Variants in CDC27 observed in about 807,000 individuals in gnomAD.
CDC27 encodes the protein cell division cycle protein 27 homolog.
CDC27 carries 27 observed loss-of-function variants against 109.7 expected under a neutral mutation model. That is an observed-to-expected ratio of 0.25 (90% CI 0.18 to 0.34). The LOEUF (loss-of-function observed/expected upper bound fraction) is 0.34. CDC27 is among the 10% of genes least tolerant of loss of function. The probability of loss-of-function intolerance (pLI) is 1.00; values close to 1 mark genes in which losing one functional copy is unlikely to be tolerated. For synonymous variants in CDC27, 266 were observed against 333.9 expected, an observed-to-expected ratio of 0.80 and a Z score of 2.22; for missense variants, 579 against 960.2, an observed-to-expected ratio of 0.60 and a Z score of 5.25.
intron 1 of CDC27, among the ~76,000 whole-genome samples, chr17:47,186,342 T>C (rs1298712033): frequency 6.6e-6 from 1 of 152,214 alleles, no homozygotes; most frequent in African/African-American, 2.4e-5. Context: ...TCCTTCACCA[T>C]CTAATGATCT....
chr17:47,159,567 A>G, intron 4 of CDC27: 1 of 481,684 alleles, frequency 2.1e-6, no homozygotes, highest in Admixed American at 3.7e-5. Context: ...TTCCCCCAGT[A>G]GCCTCTGCGC....
intron 9 of CDC27, among the ~76,000 whole-genome samples, chr17:47,148,802 A>G (rs1050493028): frequency 7.2e-5 from 11 of 152,176 alleles, no homozygotes; most frequent in Non-Finnish European, 1.6e-4. Flanking sequence ...ATTCTTGGCC[A>G]GGCGTAGTGG....
intron 12 of CDC27, among the ~76,000 whole-genome samples, chr17:47,140,958 CATT>C (rs1243693353): frequency 6.6e-6 from 1 of 152,174 alleles, no homozygotes; most frequent in Non-Finnish European, 1.5e-5. Context: ...CACCATACTT[CATT>C]GTCTCCCAGT....
intron 2 of CDC27, among the ~76,000 whole-genome samples, chr17:47,176,849 T>G (rs2064032940): frequency 6.6e-6 from 1 of 152,212 alleles, no homozygotes; most frequent in Non-Finnish European, 1.5e-5. Flanking sequence ...AATGATACAT[T>G]ATTCCACATC....
intron 2 of CDC27, among the ~76,000 whole-genome samples, chr17:47,179,253 C>T (rs1598601112): frequency 6.6e-6 from 1 of 152,150 alleles, no homozygotes. Flanking sequence ...ATGTCTTTCT[C>T]CAAATATAGA....
intron 1 of CDC27, among the ~76,000 whole-genome samples, chr17:47,183,763 C>T (rs1392820675): frequency 6.6e-6 from 1 of 152,162 alleles, no homozygotes; most frequent in East Asian, 1.9e-4. Flanking sequence ...TTATTATACT[C>T]CCAGTATCCA....
At chr17:47,128,291 G>A (rs749272220) in intron 16 of CDC27, among the ~76,000 whole-genome samples, 5 of 152,044 alleles carry the variant, frequency 3.3e-5, no homozygotes, top group South Asian at 4.2e-4. Flanking sequence ...TTGGCCTCCC[G>A]AAGAGCTGGG....
At chr17:47,124,921 C>T (rs2062088085) in intron 16 of CDC27, among the ~76,000 whole-genome samples, 1 of 151,950 alleles carries the variant, frequency 6.6e-6, no homozygotes, top group Non-Finnish European at 1.5e-5. Context: ...TTAAAGACAT[C>T]TTTTTTTCTT....
intron 2 of CDC27, among the ~76,000 whole-genome samples, chr17:47,173,692 C>T (rs1267322650): frequency 7.8e-6 from 1 of 128,790 alleles, no homozygotes; most frequent in African/African-American, 2.6e-5. Flanking sequence ...TGTACATGTG[C>T]GTGTGTAATT....
intron 17 of CDC27, among the ~76,000 whole-genome samples, chr17:47,122,820 CCCA>C (rs1381916265): frequency 6.6e-6 from 1 of 152,038 alleles, no homozygotes; most frequent in African/African-American, 2.4e-5. Flanking sequence ...ACTACAGGTG[CCCA>C]CCACCACCCC....
At chr17:47,159,948 C>A in intron 4 of CDC27, 1 of 348,922 alleles carries the variant, frequency 2.9e-6, no homozygotes, top group South Asian at 2.3e-5. Context: ...CGGTCCCGGC[C>A]CCATCCACGG....
At chr17:47,176,515 G>A (rs1260555790) in intron 2 of CDC27, among the ~76,000 whole-genome samples, 1 of 152,186 alleles carries the variant, frequency 6.6e-6, no homozygotes, top group Non-Finnish European at 1.5e-5. Context: ...AAGAGGGCTG[G>A]AAGAAGTTTT....
chr17:47,130,773 A>C (rs1348135084), intron 15 of CDC27, among the ~76,000 whole-genome samples: 2 of 151,856 alleles, frequency 1.3e-5, no homozygotes, highest in South Asian at 2.1e-4. Context: ...GCTACTCAGG[A>C]GGCTGAGGCA....
intron 5 of CDC27, 113 bp from the exon 6 acceptor site, chr17:47,157,497 A>G (rs2063353140): frequency 1.4e-6 from 1 of 704,400 alleles, no homozygotes; most frequent in Admixed American, 3.1e-5. Context: ...AACTTTAAAA[A>G]TCTCCTGTCC....
chr17:47,159,938 C>T lies in CDC27; in HGVS notation c.378-1635G>A, dbSNP rs977743067. On this transcript the variant is annotated intron_variant, in intron 4 of 18. Coordinates refer to ENST00000066544, the MANE Select transcript of CDC27 (RefSeq NM_001256.6). ...CTTGCCTCCACGAGCTCCGTGGCCT[C>T]GGTCCCGGCCCCATCCACGGCTGCG... 1.5e-4 allele frequency: 53 copies of T among 364,044 alleles called. No homozygotes were observed. In the East Asian group the frequency reaches 1.7e-3, roughly 12 times the overall value. The allele number at this position is 364,044 out of a possible 1,614,324, so 22.6% of individuals were successfully genotyped here. A position where few individuals can be genotyped will look rare whatever the true frequency, so the allele number is the denominator to read the frequency against.
intron 11 of CDC27, 21 bp downstream of exon 11, chr17:47,142,208 T>C (rs1357980469): frequency 2.1e-6 from 3 of 1,400,358 alleles, no homozygotes; most frequent in Non-Finnish European, 3.0e-6. Context: ...ACAAAGATAA[T>C]ATTAAGCATT....
At position 47,157,152 on chromosome 17, in the gene CDC27, T is replaced by C. The variant is rs2063336086; in HGVS notation, c.631-28A>G. ...GAAACAGAAAATTTCTACCAAGTCATTCACAATATATTATTTAGTTCAGAT... is the reference window on the plus strand; with the variant it reads ...GAAACAGAAAATTTCTACCAAGTCACTCACAATATATTATTTAGTTCAGAT... On this transcript the variant is annotated intron_variant, in intron 6 of 18. Coordinates refer to ENST00000066544, the MANE Select transcript of CDC27 (RefSeq NM_001256.6). 4 of 1,542,466 alleles carry C rather than the reference T, an allele frequency of 2.6e-6. No homozygotes were observed. In the East Asian group the frequency reaches 9.0e-5, roughly 35 times the overall value.
Position 47,172,049 on chromosome 17 carries a change from G to C in CDC27, c.119C>G (p.Ala40Gly), listed in dbSNP as rs1209762611. The change falls in exon 3 of 19, where the codon GCC (alanine) becomes GGC (glycine). Residue 40 changes from alanine (A) to glycine (G), a missense_variant. Transcript: ENST00000066544. ...ATAACAGGTTGCCAGTAAAAACAAG[G>C]CTTCTTCTGAGTGTACTAAAAACAG... ...RLYAEVHSEE[A>G]LFLLATCYYR... 6.3e-7 allele frequency: 1 copy of C among 1,579,888 alleles called. No individual in the cohort carries two copies. The highest frequency in any genetic ancestry group is 1.4e-5 in the African/African-American group (1 of 73,306).
chr17:47,181,436 G>T, intron 2 of CDC27, 126 bp downstream of exon 2: 1 of 522,726 alleles, frequency 1.9e-6, no homozygotes, highest in Non-Finnish European at 3.5e-6. Context: ...AAGATTTTAT[G>T]AACTAGTGTC....
Sources: gnomAD v4.1 joint callset for allele counts (sites outside exome capture counted in the v4.1 genomes callset) on GRCh38, gnomAD v4.1.1 for gene constraint, MANE v1.5 for transcripts, NCBI Gene and HGNC (gene_info 2026-07-23, HGNC 2026-07-21) for gene names.